Variants in AFF3 observed in about 807,000 individuals in gnomAD.
AFF3 encodes the protein AF4/FMR2 family member 3.
A neutral mutation model predicts 129.7 loss-of-function variants in AFF3; 32 were observed. The observed-to-expected ratio is 0.25, with a 90% CI of 0.19 to 0.33. AFF3 has a LOEUF of 0.33. AFF3 is among the 10% of genes least tolerant of loss of function. The pLI is 1.00. For missense variants in AFF3, 1,373 were observed against 1,592.0 expected (o/e 0.86, Z 2.34); for synonymous variants, 644 against 635.4 (o/e 1.01, Z -0.20).
intron 7 of AFF3, among the ~76,000 whole-genome samples, chr2:99,984,347 T>C (rs1295452645): frequency 6.6e-6 from 1 of 152,142 alleles, no homozygotes; most frequent in Non-Finnish European, 1.5e-5. Context: ...ATTATAACAG[T>C]GAAAGAGATC....
At chr2:100,007,071 G>A (rs1447829349) in intron 6 of AFF3, 54 bp from the exon 7 acceptor site, 3 of 1,588,118 alleles carry the variant, frequency 1.9e-6, no homozygotes, top group Non-Finnish European at 2.6e-6. Flanking sequence ...TCGACACATA[G>A]GGATTTTCTT....
intron 11 of AFF3, among the ~76,000 whole-genome samples, chr2:99,682,572 C>T (rs1575683110): frequency 6.6e-6 from 1 of 152,146 alleles, no homozygotes; most frequent in East Asian, 1.9e-4. Flanking sequence ...TTTATGAATG[C>T]CACACCTTTC....
At chr2:100,119,890 G>A (rs1691882078) in intron 2 of AFF3, among the ~76,000 whole-genome samples, 2 of 152,216 alleles carry the variant, frequency 1.3e-5, no homozygotes, top group African/African-American at 2.4e-5. Flanking sequence ...GTCTAACAGT[G>A]AATAAGTCTG....
At position 99,739,013 on chromosome 2, in the gene AFF3, A is replaced by ATTTT. The variant is rs55856427; in HGVS notation, c.1039+5087_1039+5090dup. 1.3e-3 allele frequency among the ~76,000 whole-genome samples: 180 copies of ATTTT among 138,344 alleles called. 9 individuals carry two copies. Among genetic ancestry groups the ATTTT allele is most frequent in the Non-Finnish European group, 1.5e-3 (97 of 64,990 alleles). 90.8% of individuals were successfully genotyped at this position (138,344 alleles called of 152,430 possible). A position where few individuals can be genotyped will look rare whatever the true frequency, so the allele number is the denominator to read the frequency against. Reference sequence around the variant, plus strand: ...TTCTCAGTGAGGAGTGAACTGTTCAATTTTTTTTTTTTTTAGCAAATATTA... The same window carrying ATTTT: ...TTCTCAGTGAGGAGTGAACTGTTCAATTTTTTTTTTTTTTTTTTAGCAAATATTA... On this transcript the variant is annotated intron_variant, in intron 10 of 24. Coordinates refer to ENST00000672756, the MANE Select transcript of AFF3 (RefSeq NM_001386135.1).
chr2:99,683,362 T>C (rs529082765), intron 11 of AFF3, among the ~76,000 whole-genome samples: 190 of 152,370 alleles, frequency 1.2e-3, no homozygotes, highest in African/African-American at 4.5e-3. Context: ...AATTAATAAA[T>C]ATTCAGTATT....
In AFF3 at chr2:99,629,086, G is replaced by A. The variant is rs150581399; in HGVS notation, c.1184+20540C>T. Among the ~76,000 whole-genome samples, 866 of 152,212 alleles carry A rather than the reference G, an allele frequency of 5.7e-3. 7 individuals carry two copies. Among genetic ancestry groups the A allele is most frequent in the African/African-American group, 0.019 (805 of 41,514 alleles). On this transcript the variant is annotated intron_variant, in intron 13 of 24. Coordinates refer to ENST00000672756, the MANE Select transcript of AFF3 (RefSeq NM_001386135.1). ...TTGGCCAGGCTGGTCTCAAACTCTT[G>A]ACCTCAAGTGATCCACCTGCCTCGG...
chr2:100,108,613 TC>T (rs1269340463), intron 2 of AFF3, among the ~76,000 whole-genome samples: 4 of 152,014 alleles, frequency 2.6e-5, no homozygotes, highest in African/African-American at 7.2e-5. Context: ...AAGGACATAC[TC>T]CCTGCAAATG....
intron 8 of AFF3, among the ~76,000 whole-genome samples, chr2:99,771,156 G>A (rs1683444024): frequency 6.6e-6 from 1 of 152,160 alleles, no homozygotes; most frequent in African/African-American, 2.4e-5. Flanking sequence ...ACTAATGCAG[G>A]AACAGAAAAC....
chr2:100,075,840 T>G (rs1309189398), intron 4 of AFF3, among the ~76,000 whole-genome samples: 1 of 152,124 alleles, frequency 6.6e-6, no homozygotes, highest in African/African-American at 2.4e-5. Context: ...CTCGATGAGA[T>G]GTTTTGTGCC....
At chr2:99,877,430 T>C (rs1443746070) in intron 7 of AFF3, among the ~76,000 whole-genome samples, 1 of 152,082 alleles carries the variant, frequency 6.6e-6, no homozygotes, top group South Asian at 2.1e-4. Flanking sequence ...GAATCACCAC[T>C]ATGAGAAATG....
At chr2:99,809,427 A>G (rs1274193059) in intron 8 of AFF3, among the ~76,000 whole-genome samples, 2 of 152,252 alleles carry the variant, frequency 1.3e-5, no homozygotes, top group African/African-American at 2.4e-5. Flanking sequence ...GGGGTCACAC[A>G]TACATTAGCT....
rs184990457 is a variant in AFF3 at position 99,786,091 on chromosome 2, T to C, written c.922-33790A>G. Among the ~76,000 whole-genome samples, 10 of 152,342 alleles carry C rather than the reference T, an allele frequency of 6.6e-5. No individual in the cohort carries two copies. In the East Asian group the frequency reaches 1.7e-3, roughly 26 times the overall value. On this transcript the variant is annotated intron_variant, in intron 8 of 24. Coordinates refer to ENST00000672756, the MANE Select transcript of AFF3 (RefSeq NM_001386135.1). The stretch of plus-strand genomic sequence containing the variant: ...GACATAGTCTCTGCCTGATGCCCCA[T>C]GGCCATTCGTTGAGTGCGGACTCTC...
chr2:100,115,698 T>A (rs1691709118), intron 2 of AFF3, among the ~76,000 whole-genome samples: 1 of 152,256 alleles, frequency 6.6e-6, no homozygotes, highest in South Asian at 2.1e-4. Context: ...ATGTCTATCT[T>A]ATCTAAGAGG....
intron 11 of AFF3, among the ~76,000 whole-genome samples, chr2:99,700,871 G>A (rs916192687): frequency 2.6e-5 from 4 of 152,238 alleles, no homozygotes; most frequent in Admixed American, 2.6e-4. Flanking sequence ...TCTGTTGTGA[G>A]GTCCACTGGG....
intron 7 of AFF3, among the ~76,000 whole-genome samples, chr2:99,838,029 C>T (rs1689025621): frequency 6.6e-6 from 1 of 152,130 alleles, no homozygotes; most frequent in Non-Finnish European, 1.5e-5. Flanking sequence ...AACTGAAAGA[C>T]CAAAAAGAGA....
intron 13 of AFF3, among the ~76,000 whole-genome samples, chr2:99,622,422 T>G (rs1404380114): frequency 1.3e-5 from 2 of 152,150 alleles, no homozygotes; most frequent in African/African-American, 4.8e-5. Flanking sequence ...ATAGAAAGGT[T>G]GTTTTATGGG....
intron 1 of AFF3, among the ~76,000 whole-genome samples, chr2:100,140,422 G>A (rs1278196497): frequency 2.0e-5 from 3 of 152,138 alleles, no homozygotes; most frequent in African/African-American, 4.8e-5. Context: ...CACTGGTCAC[G>A]TTTTGTTACT....
Position 99,585,532 on chromosome 2 carries a change from G to A in AFF3, c.2591+1622C>T, listed in dbSNP as rs531319408. On this transcript the variant is annotated intron_variant, in intron 16 of 24. Transcript: ENST00000672756. ...GAGGCTCTTCCAGGCTAAGTCTCTA[G>A]AGCAAGAGTTTTTTAACCTGGGGTC... 7.9e-5 allele frequency among the ~76,000 whole-genome samples: 12 copies of A among 152,270 alleles called. No individual in the cohort carries two copies. In the East Asian group the frequency reaches 2.3e-3, roughly 29 times the overall value.
At position 99,641,671 on chromosome 2, in the gene AFF3, C is replaced by CT. The variant is rs140047972; in HGVS notation, c.1184+7954dup. Among the ~76,000 whole-genome samples, 138 of 152,254 alleles carry CT rather than the reference C, an allele frequency of 9.1e-4. 1 individual carries two copies. Among genetic ancestry groups the CT allele is most frequent in the African/African-American group, 3.1e-3 (130 of 41,564 alleles). Reference sequence around the variant, plus strand: ...CCAGCCTGGGCAACAGAGCAAGACTCTGTCTCAAAACAAAAACAAAAAAGA... The same window carrying CT: ...CCAGCCTGGGCAACAGAGCAAGACTCTTGTCTCAAAACAAAAACAAAAAAGA... On this transcript the variant is annotated intron_variant, in intron 13 of 24. Transcript: ENST00000672756.
Sources: allele counts gnomAD v4.1 joint callset (sites outside exome capture counted in the v4.1 genomes callset), GRCh38; gene constraint gnomAD v4.1.1; transcripts MANE v1.5; gene names NCBI Gene and HGNC (gene_info 2026-07-23, HGNC 2026-07-21).